Variants in SCAPER observed in about 807,000 individuals in gnomAD.
SCAPER encodes the protein S-phase cyclin A associated protein in the ER, also known as S phase cyclin A-associated protein in the endoplasmic reticulum.
A neutral mutation model predicts 182.2 loss-of-function variants in SCAPER; 98 were observed. The ratio of observed to expected loss-of-function variants is 0.54; its 90% CI spans 0.46 to 0.64. The LOEUF (loss-of-function observed/expected upper bound fraction) is 0.64. Ranked by LOEUF, SCAPER falls within the 30% of genes least tolerant of loss-of-function variation. The probability of loss-of-function intolerance (pLI) is 0.00; values close to 1 mark genes in which losing one functional copy is unlikely to be tolerated. For missense variants in SCAPER, 1,432 were observed against 1,690.0 expected (o/e 0.85, Z 2.68); for synonymous variants, 605 against 564.6 (o/e 1.07, Z -1.01).
chr15:76,886,246 G>A (rs986575797), intron 1 of SCAPER, among the ~76,000 whole-genome samples: 7 of 152,172 alleles, frequency 4.6e-5, no homozygotes, highest in African/African-American at 1.2e-4. Context: ...CTGGGAGGCC[G>A]AGGTGGGCAG....
chr15:76,791,946 T>C (rs1298949269), intron 8 of SCAPER, among the ~76,000 whole-genome samples: 2 of 150,996 alleles, frequency 1.3e-5, no homozygotes, highest in African/African-American at 4.9e-5. Context: ...TTTTTTTTTG[T>C]CTTGCAACAT....
chr15:76,536,617 T>C (rs541161997), intron 23 of SCAPER, among the ~76,000 whole-genome samples: 20 of 152,154 alleles, frequency 1.3e-4, no homozygotes, highest in Non-Finnish European at 2.6e-4. Flanking sequence ...TCATACTGAA[T>C]GGGCAAAAAC....
chr15:76,357,767 A>T (rs1245106695), intron 29 of SCAPER, among the ~76,000 whole-genome samples: 1 of 152,254 alleles, frequency 6.6e-6, no homozygotes, highest in Non-Finnish European at 1.5e-5. Context: ...CTACTCAGCC[A>T]TAAAAAAAAT....
chr15:76,612,189 T>C (rs2051059073), intron 22 of SCAPER, among the ~76,000 whole-genome samples: 1 of 152,204 alleles, frequency 6.6e-6, no homozygotes, highest in African/African-American at 2.4e-5. Flanking sequence ...ATCCTGTATT[T>C]AGAAAATCCC....
intron 27 of SCAPER, among the ~76,000 whole-genome samples, chr15:76,394,388 GTTTCCTTTCAATCAACA>G (rs2142045822): frequency 6.6e-6 from 1 of 152,332 alleles, no homozygotes; most frequent in African/African-American, 2.4e-5. Flanking sequence ...GGGACTTTAA[GTTTCCTTTCAATCAACA>G]GAATGTGGCA....
chr15:76,657,325 T>C (rs2055732004), intron 21 of SCAPER, among the ~76,000 whole-genome samples: 1 of 151,790 alleles, frequency 6.6e-6, no homozygotes. Context: ...CCTGGAAACA[T>C]ACAACCTTTC....
rs568910991 is a variant in SCAPER, at chr15:76,709,404, G to A, written c.2166-3420C>T. Among the ~76,000 whole-genome samples the A allele has an allele frequency of 2.1e-4, 32 of 152,234 alleles. 2 individuals are homozygous for A. The South Asian group carries it at 5.4e-3, about 26-fold the overall frequency. ...ACGCCTTGGCCTCCCAAAGTGCTGG[G>A]ATTACAGACATGAGCCACCGCACTC... On this transcript the variant is annotated intron_variant, in intron 17 of 31. Transcript: ENST00000563290.
At chr15:76,495,993 GACACAC>G (rs971206080) in intron 24 of SCAPER, among the ~76,000 whole-genome samples, 931 of 58,492 alleles carry the variant, frequency 0.016, 11 homozygotes, top group African/African-American at 0.04. Flanking sequence ...AAAAGAGAGA[GACACAC>G]ACACACACAC....
intron 8 of SCAPER, among the ~76,000 whole-genome samples, chr15:76,782,868 A>G (rs11072624): frequency 0.34 from 51,953 of 151,984 alleles, 9,153 homozygotes; most frequent in East Asian, 0.55. Flanking sequence ...AATCCCTGGG[A>G]CACATTTAAA....
intron 15 of SCAPER, among the ~76,000 whole-genome samples, chr15:76,750,177 A>G (rs1404703862): frequency 9.3e-6 from 1 of 107,176 alleles, no homozygotes; most frequent in Non-Finnish European, 2.0e-5. Flanking sequence ...TATCCATATG[A>G]AAAAAAAAAA....
At chr15:76,503,220 C>T (rs1415219285) in intron 24 of SCAPER, among the ~76,000 whole-genome samples, 2 of 152,082 alleles carry the variant, frequency 1.3e-5, no homozygotes, top group Admixed American at 6.6e-5. Flanking sequence ...TCCTTTCTTC[C>T]TTTCTACCTT....
At chr15:76,893,398 G>A (rs988044372) in intron 1 of SCAPER, among the ~76,000 whole-genome samples, 2 of 151,942 alleles carry the variant, frequency 1.3e-5, no homozygotes, top group Non-Finnish European at 2.9e-5. Context: ...AGATATGTAC[G>A]CACCCAACAT....
intron 8 of SCAPER, among the ~76,000 whole-genome samples, chr15:76,794,188 C>T (rs2065175384): frequency 6.6e-6 from 1 of 152,170 alleles, no homozygotes; most frequent in South Asian, 2.1e-4. Context: ...ATAAGAGTTA[C>T]CATAAGTATA....
intron 22 of SCAPER, among the ~76,000 whole-genome samples, chr15:76,615,819 C>CAAAAAAAA (rs61031189): frequency 1.2e-5 from 1 of 82,406 alleles, no homozygotes; most frequent in African/African-American, 3.8e-5. Flanking sequence ...GATTCCATCT[C>CAAAAAAAA]AAAAAAAAAA....
At chr15:76,843,578 A>G (rs1342383173) in intron 4 of SCAPER, among the ~76,000 whole-genome samples, 4 of 151,962 alleles carry the variant, frequency 2.6e-5, no homozygotes, top group African/African-American at 4.8e-5. Flanking sequence ...CAAAAAGGAG[A>G]AAAAATAAGC....
intron 27 of SCAPER, among the ~76,000 whole-genome samples, chr15:76,397,241 T>C (rs2044128700): frequency 6.6e-6 from 1 of 152,080 alleles, no homozygotes; most frequent in Non-Finnish European, 1.5e-5. Flanking sequence ...TTGTTGAGGA[T>C]TTCTGCATTA....
At chr15:76,895,676 T>C (rs1382264807) in intron 1 of SCAPER, among the ~76,000 whole-genome samples, 1 of 152,034 alleles carries the variant, frequency 6.6e-6, no homozygotes. Context: ...GTATACAAAA[T>C]CAAAATACAA....
chr15:76,903,438 A>T (rs1468406059), intron 1 of SCAPER, among the ~76,000 whole-genome samples: 1 of 152,114 alleles, frequency 6.6e-6, no homozygotes, highest in East Asian at 1.9e-4. Context: ...CCTTTGGGAG[A>T]TGACTGTATT....
chr15:76,775,906 T>C (rs905730797), intron 8 of SCAPER, among the ~76,000 whole-genome samples: 1 of 152,216 alleles, frequency 6.6e-6, no homozygotes, highest in Non-Finnish European at 1.5e-5. Context: ...ATATGTATAG[T>C]GGTGCTTATA....
Sources: allele counts gnomAD v4.1 joint callset (sites outside exome capture counted in the v4.1 genomes callset), GRCh38; gene constraint gnomAD v4.1.1; transcripts MANE v1.5; gene names NCBI Gene and HGNC (gene_info 2026-07-23, HGNC 2026-07-21).